SGK1: variants seen among roughly 807,000 people sequenced by gnomAD.
The protein encoded by SGK1 is serine/threonine-protein kinase Sgk1.
A neutral mutation model predicts 64.2 loss-of-function variants in SGK1; 26 were observed. The observed-to-expected ratio is 0.40, with a 90% CI of 0.30 to 0.56. SGK1 has a LOEUF of 0.56. SGK1 is among the 20% of genes least tolerant of loss of function. The pLI is 0.38. For synonymous variants in SGK1, 265 were observed against 239.7 expected (o/e 1.11, Z -0.98); for missense variants, 519 against 645.6 (o/e 0.80, Z 2.12).
At chr6:134,195,082 T>C (rs1775576730) in intron 3 of SGK1, among the ~76,000 whole-genome samples, 1 of 152,148 alleles carries the variant, frequency 6.6e-6, no homozygotes, top group South Asian at 2.1e-4. Context: ...AGTGAGAAAA[T>C]TTCCTGGTAT....
At chr6:134,170,609 C>A in intron 13 of SGK1, 174 bp from the exon 14 acceptor site, 2 of 694,300 alleles carry the variant, frequency 2.9e-6, no homozygotes, top group South Asian at 2.1e-5. Flanking sequence ...GAATAATGTT[C>A]ACTTGTTGCC....
At chr6:134,285,539 T>TC (rs1357106606) in intron 1 of SGK1, among the ~76,000 whole-genome samples, 1 of 151,742 alleles carries the variant, frequency 6.6e-6, no homozygotes, top group East Asian at 1.9e-4. Flanking sequence ...TCAATTTTTT[T>TC]TTTTTTTTAC....
chr6:134,175,550 C>A (rs1327691235), intron 3 of SGK1: 7 of 1,526,452 alleles, frequency 4.6e-6, no homozygotes, highest in Non-Finnish European at 6.2e-6. Flanking sequence ...TTACCCAGTC[C>A]GCTCAGCAGG....
intron 3 of SGK1, among the ~76,000 whole-genome samples, chr6:134,196,303 T>G (rs957561047): frequency 6.6e-6 from 1 of 151,822 alleles, no homozygotes; most frequent in African/African-American, 2.4e-5. Flanking sequence ...TGAGCTCAAG[T>G]GAGCTACCTG....
At chr6:134,284,164 C>A (rs1489159381) in intron 1 of SGK1, among the ~76,000 whole-genome samples, 1 of 152,054 alleles carries the variant, frequency 6.6e-6, no homozygotes, top group African/African-American at 2.4e-5. Flanking sequence ...TCAATCTCAG[C>A]TCACTGCAAC....
chr6:134,184,504 CAAAAA>C (rs1162404618), intron 3 of SGK1, among the ~76,000 whole-genome samples: 1 of 63,564 alleles, frequency 1.6e-5, no homozygotes, highest in African/African-American at 6.2e-5. Context: ...GACTCCATCT[CAAAAA>C]AAAAAAAAAA....
At chr6:134,209,159 C>T (rs536866650) in intron 2 of SGK1, among the ~76,000 whole-genome samples, 20 of 152,194 alleles carry the variant, frequency 1.3e-4, no homozygotes, top group East Asian at 5.8e-4. Context: ...TCAGGCCAGG[C>T]GTGGTGGCTC....
chr6:134,208,745 C>CAT (rs1554220933), intron 2 of SGK1, among the ~76,000 whole-genome samples: 2 of 150,484 alleles, frequency 1.3e-5, no homozygotes, highest in Non-Finnish European at 3.0e-5. Context: ...TCCATGTATG[C>CAT]GTATATATAT....
chr6:134,299,574 A>G (rs1417066516), intron 1 of SGK1, among the ~76,000 whole-genome samples: 2 of 152,198 alleles, frequency 1.3e-5, no homozygotes, highest in Non-Finnish European at 2.9e-5. Context: ...ATGTGTGCAG[A>G]ACAGGGAGGA....
At chr6:134,279,841 T>C (rs1223755277) in intron 1 of SGK1, among the ~76,000 whole-genome samples, 2 of 152,194 alleles carry the variant, frequency 1.3e-5, no homozygotes, top group East Asian at 1.9e-4. Context: ...GTAAGCACTA[T>C]ATTACAGTCT....
intron 2 of SGK1, among the ~76,000 whole-genome samples, chr6:134,245,184 C>A (rs531570610): frequency 1.3e-5 from 2 of 152,196 alleles, no homozygotes; most frequent in Non-Finnish European, 2.9e-5. Context: ...CTCAAGGGAT[C>A]CTCTTGCCTC....
chr6:134,174,699 G>A (rs749686022), intron 3 of SGK1, 113 bp from the exon 4 acceptor site: 17 of 1,613,598 alleles, frequency 1.1e-5, no homozygotes, highest in Non-Finnish European at 1.4e-5. Flanking sequence ...TGCGTCTCCT[G>A]GAGCAGAAGT....
At chr6:134,262,688 G>A (rs924586693) in intron 1 of SGK1, among the ~76,000 whole-genome samples, 2 of 151,868 alleles carry the variant, frequency 1.3e-5, no homozygotes, top group Admixed American at 6.6e-5. Flanking sequence ...GACAGAGCAA[G>A]ACTGTCTCCA....
chr6:134,198,866 T>TTTTA (rs1257303350), intron 3 of SGK1, among the ~76,000 whole-genome samples: 1 of 151,680 alleles, frequency 6.6e-6, no homozygotes, highest in South Asian at 2.1e-4. Flanking sequence ...TTGAGCTAAT[T>TTTTA]TTTATTTATT....
At chr6:134,216,528 T>G (rs981723244) in intron 2 of SGK1, among the ~76,000 whole-genome samples, 1 of 152,220 alleles carries the variant, frequency 6.6e-6, no homozygotes, top group Admixed American at 6.5e-5. Flanking sequence ...TTCCATTGAC[T>G]GTCTTAGATG....
intron 3 of SGK1, chr6:134,174,857 C>T: frequency 6.2e-7 from 1 of 1,612,046 alleles, no homozygotes; most frequent in Non-Finnish European, 8.5e-7. Flanking sequence ...ACCGGCTCGG[C>T]GTATGCTGCG....
At chr6:134,196,071 C>A (rs1775590032) in intron 3 of SGK1, among the ~76,000 whole-genome samples, 1 of 152,138 alleles carries the variant, frequency 6.6e-6, no homozygotes, top group South Asian at 2.1e-4. Flanking sequence ...ACCTTTACTG[C>A]ATTATCTTTT....
At chr6:134,306,911 A>AGGGG (rs200092699) in intron 1 of SGK1, among the ~76,000 whole-genome samples, 4 of 106,996 alleles carry the variant, frequency 3.7e-5, no homozygotes, top group African/African-American at 1.1e-4. Flanking sequence ...AAGAAATAAA[A>AGGGG]GGGGGGGGGG....
rs550229202 is a variant in SGK1 at position 134,244,330 on chromosome 6, A to G, written c.285+17603T>C. On this transcript the variant is annotated intron_variant, in intron 2 of 13. Transcript: ENST00000367858. ...TTTTTTTATGGCTGCATAGTATTCCATGATGTATATGTGCCACATTTTCTT... is the reference window on the plus strand; with the variant it reads ...TTTTTTTATGGCTGCATAGTATTCCGTGATGTATATGTGCCACATTTTCTT... Among the ~76,000 whole-genome samples, 336 of 152,250 alleles carry G rather than the reference A, an allele frequency of 2.2e-3. 3 individuals carry two copies. The highest frequency in any genetic ancestry group is 7.4e-3 in the African/African-American group (308 of 41,552).
Sources: allele counts gnomAD v4.1 joint callset (sites outside exome capture counted in the v4.1 genomes callset), GRCh38; gene constraint gnomAD v4.1.1; transcripts MANE v1.5; gene names NCBI Gene and HGNC (gene_info 2026-07-23, HGNC 2026-07-21).